ATP9B: variants seen among roughly 807,000 people sequenced by gnomAD.
ATP9B encodes probable phospholipid-transporting ATPase IIB.
A neutral mutation model predicts 146.1 loss-of-function variants in ATP9B; 110 were observed. The ratio of observed to expected loss-of-function variants is 0.75; its 90% confidence interval spans 0.65 to 0.88. The LOEUF is 0.88. ATP9B is among the 40% of genes least tolerant of loss of function. ATP9B has a pLI of 0.00. For missense variants in ATP9B, 1,499 were observed against 1,496.4 expected (o/e 1.00, Z -0.03); for synonymous variants, 604 against 569.7 (o/e 1.06, Z -0.86).
intron 13 of ATP9B, among the ~76,000 whole-genome samples, chr18:79,286,311 T>A (rs1001350446): frequency 1.3e-4 from 20 of 152,136 alleles, no homozygotes; most frequent in African/African-American, 4.1e-4. Context: ...TGGTTTGTAG[T>A]TCTCCTTGAA....
At chr18:79,236,039 G>A (rs994090601) in intron 11 of ATP9B, among the ~76,000 whole-genome samples, 1 of 152,038 alleles carries the variant, frequency 6.6e-6, no homozygotes, top group South Asian at 2.1e-4. Flanking sequence ...GTCGTATAGC[G>A]TGTCTGTATT....
At chr18:79,075,064 T>C (rs76936817) in intron 1 of ATP9B, among the ~76,000 whole-genome samples, 3,160 of 151,794 alleles carry the variant, frequency 0.021, 104 homozygotes, top group African/African-American at 0.071. Context: ...CTTGTGACTT[T>C]GTTTATTCTT....
chr18:79,377,399 C>T lies in ATP9B; in HGVS notation c.*16C>T, dbSNP rs2097108551. The T allele has an allele frequency of 6.2e-7, 1 of 1,604,202 alleles. No individual in the cohort carries two copies. Among genetic ancestry groups the T allele is most frequent in the African/African-American group, 1.3e-5 (1 of 74,940 alleles). ...GGCCTCCTAAGGGGCTGTGCACCCC[C>T]AGCGGGCTGGCCCCAGCACCTTCTG... On this transcript the variant is annotated 3_prime_UTR_variant, in exon 30 of 30. Transcript: ENST00000426216.
At chr18:79,310,633 A>G (rs912211032) in intron 15 of ATP9B, among the ~76,000 whole-genome samples, 1 of 152,138 alleles carries the variant, frequency 6.6e-6, no homozygotes, top group Non-Finnish European at 1.5e-5. Context: ...CTGACAAGGC[A>G]CAAACTTCCA....
chr18:79,336,016 T>C (rs2096822940), intron 17 of ATP9B, among the ~76,000 whole-genome samples: 1 of 150,312 alleles, frequency 6.7e-6, no homozygotes, highest in Non-Finnish European at 1.5e-5. Context: ...CCCTCGCCCG[T>C]CCCCAGCACC....
At chr18:79,329,346 T>C in intron 16 of ATP9B, 44 bp downstream of exon 16, 1 of 1,497,032 alleles carries the variant, frequency 6.7e-7, no homozygotes, top group Non-Finnish European at 8.9e-7. Flanking sequence ...TCAGACATTT[T>C]GTTTTCACAC....
At chr18:79,135,686 T>C (rs2094439296) in intron 5 of ATP9B, among the ~76,000 whole-genome samples, 1 of 152,208 alleles carries the variant, frequency 6.6e-6, no homozygotes, top group Admixed American at 6.5e-5. Flanking sequence ...TGATTGTGCT[T>C]TTGTTGTTCT....
At chr18:79,094,912 C>G (rs1332293077) in intron 1 of ATP9B, among the ~76,000 whole-genome samples, 3 of 152,162 alleles carry the variant, frequency 2.0e-5, no homozygotes, top group Non-Finnish European at 4.4e-5. Context: ...CATGTACACT[C>G]GGCCACTGCA....
intron 9 of ATP9B, among the ~76,000 whole-genome samples, chr18:79,196,663 A>T (rs1253709856): frequency 6.6e-6 from 1 of 152,258 alleles, no homozygotes; most frequent in Non-Finnish European, 1.5e-5. Flanking sequence ...TTTAAAAATT[A>T]GACAACAGTT....
intron 1 of ATP9B, among the ~76,000 whole-genome samples, chr18:79,070,457 G>T (rs4799005): frequency 0.21 from 31,825 of 152,118 alleles, 3,703 homozygotes; most frequent in East Asian, 0.5. Flanking sequence ...TCTGTAAAAT[G>T]CTGGATAATA....
At chr18:79,287,215 C>T (rs867031275) in intron 13 of ATP9B, among the ~76,000 whole-genome samples, 3 of 152,194 alleles carry the variant, frequency 2.0e-5, no homozygotes, top group Non-Finnish European at 4.4e-5. Context: ...CCTTGTACCT[C>T]TGGTAGAATT....
chr18:79,172,577 GCGCCGAC>G (rs2095093453), intron 7 of ATP9B, among the ~76,000 whole-genome samples: 1 of 135,808 alleles, frequency 7.4e-6, no homozygotes, highest in Non-Finnish European at 1.6e-5. Context: ...TAGCCACCGT[GCGCCGAC>G]CTTGCGATCC....
intron 4 of ATP9B, among the ~76,000 whole-genome samples, chr18:79,119,525 A>G (rs1478607777): frequency 6.6e-6 from 1 of 152,240 alleles, no homozygotes; most frequent in African/African-American, 2.4e-5. Flanking sequence ...CTCAATAAGC[A>G]ACTACTTCAA....
At chr18:79,140,997 G>GA (rs2094507079) in intron 5 of ATP9B, among the ~76,000 whole-genome samples, 1 of 152,202 alleles carries the variant, frequency 6.6e-6, no homozygotes, top group Non-Finnish European at 1.5e-5. Context: ...AAATAGTTTA[G>GA]AGAGTGGAAA....
At chr18:79,124,323 A>G (rs2094243627) in intron 4 of ATP9B, among the ~76,000 whole-genome samples, 1 of 152,228 alleles carries the variant, frequency 6.6e-6, no homozygotes, top group Non-Finnish European at 1.5e-5. Context: ...TATAGTGTTA[A>G]TTTTATGGCA....
rs141754612 is a variant in ATP9B at position 79,348,142 on chromosome 18, C to T, written c.2849C>T (p.Ser950Phe). The T allele has an allele frequency of 1.9e-6, 3 of 1,611,778 alleles. No individual in the cohort carries two copies. Among genetic ancestry groups the T allele is most frequent in the Non-Finnish European group, 2.5e-6 (3 of 1,179,378 alleles). ...LIISTMQAVF[S>F]SVFYFASVPL... is the part of the protein sequence containing the mutation. ...GGGCTCTCTCTCCAGGCTGTGTTTT[C>T]CTCAGTCTTCTACTTCGCATCCGTC... Residue 950 changes from serine (S) to phenylalanine (F), a missense_variant, in exon 25 of 30, where the codon TCC becomes TTC. Ser to Phe is a radical substitution (Grantham distance 155). Transcript: ENST00000426216.
intron 20 of ATP9B, 46 bp downstream of exon 20, chr18:79,342,412 A>G: frequency 7.5e-7 from 1 of 1,326,282 alleles, no homozygotes; most frequent in Non-Finnish European, 1.1e-6. Context: ...CATTTGTCTC[A>G]CACAAACGAA....
intron 1 of ATP9B, among the ~76,000 whole-genome samples, chr18:79,076,147 A>G (rs117015693): frequency 0.023 from 3,535 of 152,336 alleles, 76 homozygotes; most frequent in Non-Finnish European, 0.028. Flanking sequence ...CTTATATACA[A>G]TTAGAACCCT....
chr18:79,130,419 A>G (rs35187613), intron 5 of ATP9B, among the ~76,000 whole-genome samples: 9,201 of 108,084 alleles, frequency 0.085, 362 homozygotes, highest in Non-Finnish European at 0.11. Context: ...AGCAGAAAGA[A>G]TGGGAAAAAA....
Sources: gnomAD v4.1 joint callset for allele counts (sites outside exome capture counted in the v4.1 genomes callset) on GRCh38, gnomAD v4.1.1 for gene constraint, MANE v1.5 for transcripts, NCBI Gene and HGNC (gene_info 2026-07-23, HGNC 2026-07-21) for gene names.